RBL2: variants seen among roughly 807,000 people sequenced by gnomAD.
The protein encoded by RBL2 is RB transcriptional corepressor like 2, also known as retinoblastoma-like protein 2.
Under a neutral mutation model 126.0 loss-of-function variants are expected in RBL2, and 56 were observed. That is an observed-to-expected ratio of 0.44 (90% CI 0.36 to 0.56). RBL2 has a LOEUF of 0.56. Among genes scored for constraint, RBL2 ranks in the 20% least tolerant of loss-of-function variants. The pLI, the probability that RBL2 is intolerant of heterozygous loss-of-function variation, is 0.00. For missense variants in RBL2, 1,229 were observed against 1,398.2 expected, an observed-to-expected ratio of 0.88 and a Z score of 1.93; for synonymous variants, 454 against 478.5, an observed-to-expected ratio of 0.95 and a Z score of 0.67.
chr16:53,473,916 A>T (rs1215952770), intron 17 of RBL2, among the ~76,000 whole-genome samples: 2 of 151,784 alleles, frequency 1.3e-5, no homozygotes, highest in African/African-American at 2.4e-5. Context: ...TATTTTTTTT[A>T]TTCTATTAAT....
chr16:53,453,807 T>C (rs1186864127), intron 7 of RBL2, 38 bp downstream of exon 7: 4 of 1,477,806 alleles, frequency 2.7e-6, no homozygotes, highest in Non-Finnish European at 3.7e-6. Context: ...ATATTTTAAA[T>C]TGTATACTTA....
At chr16:53,474,808 G>C (rs1315984361) in intron 17 of RBL2, among the ~76,000 whole-genome samples, 5 of 152,208 alleles carry the variant, frequency 3.3e-5, no homozygotes, top group Admixed American at 3.3e-4. Context: ...TTATTATCAG[G>C]GTAATAATGG....
chr16:53,477,516 T>C (rs938001258), intron 17 of RBL2, among the ~76,000 whole-genome samples: 1 of 151,944 alleles, frequency 6.6e-6, no homozygotes, highest in African/African-American at 2.4e-5. Flanking sequence ...GGCTGATTTT[T>C]GTATTTTTTT....
rs771667410 is a variant in RBL2 at position 53,451,818 on chromosome 16, C to T, written c.753C>T (p.Asn251=). 3.3e-5 allele frequency: 53 copies of T among 1,613,376 alleles called. No homozygotes were observed. The Admixed American group carries it at 7.0e-4, about 21-fold the overall frequency. The change falls in exon 5 of 22, where the codon AAC becomes AAT. Residue 251 remains asparagine (N), a synonymous_variant. Transcript: ENST00000262133. ...GTTCTAATCGTAAAGAACTTGTGAA[C>T]CCTAATTTTAAAGGTAGGTTTGTAA... ...LQCSNRKELV[N]PNFKGLSEDF...
intron 14 of RBL2, among the ~76,000 whole-genome samples, chr16:53,469,305 T>C (rs1276150738): frequency 6.6e-6 from 1 of 152,264 alleles, no homozygotes; most frequent in Non-Finnish European, 1.5e-5. Flanking sequence ...ATTTATGGTA[T>C]ATAAACTGTT....
intron 4 of RBL2, among the ~76,000 whole-genome samples, chr16:53,448,389 C>T (rs1294909853): frequency 6.6e-6 from 1 of 152,164 alleles, no homozygotes; most frequent in Non-Finnish European, 1.5e-5. Flanking sequence ...GAACTCCTGA[C>T]CTCGTGATCC....
chr16:53,480,925 G>A lies in RBL2; in HGVS notation c.3084+156G>A, dbSNP rs529383577. The A allele has an allele frequency of 1.7e-4, 107 of 643,846 alleles. 2 individuals are homozygous for A. The East Asian group carries it at 2.3e-3, about 14-fold the overall frequency. 39.9% of individuals were successfully genotyped at this position (643,846 alleles called of 1,614,324 possible). A position where few individuals can be genotyped will look rare whatever the true frequency, so the allele number is the denominator to read the frequency against. On this transcript the variant is annotated intron_variant, in intron 20 of 21. Transcript: ENST00000262133. ...TGTAATCCCAGCACTTTGGGAGGCC[G>A]AGGAGGGCAGATCACTTGAGGTCAG...
At chr16:53,441,743 G>A (rs929600201) in intron 2 of RBL2, among the ~76,000 whole-genome samples, 2 of 152,138 alleles carry the variant, frequency 1.3e-5, no homozygotes, top group African/African-American at 2.4e-5. Context: ...ACTTTAGAAT[G>A]GTTTTTATCT....
intron 1 of RBL2, among the ~76,000 whole-genome samples, chr16:53,435,254 C>T (rs1034629371): frequency 2.0e-5 from 3 of 152,176 alleles, no homozygotes; most frequent in Non-Finnish European, 2.9e-5. Flanking sequence ...ACCAAATTGC[C>T]TTTGCCCTGG....
At position 53,470,057 on chromosome 16, in the gene RBL2, C is replaced by G. The variant is rs2058307286; in HGVS notation, c.2117C>G (p.Ala706Gly). Residue 706 changes from alanine (A) to glycine (G), a missense_variant, in exon 15 of 22, where the codon GCT (alanine) becomes GGT (glycine). Transcript: ENST00000262133. Reference sequence around the variant, plus strand: ...ATGCCCCCACAGCCCCTAGTCAATGCTGTCCCTGTGCAGAATGTATCTGGG... The same window carrying G: ...ATGCCCCCACAGCCCCTAGTCAATGGTGTCCCTGTGCAGAATGTATCTGGG... ...GRMPPQPLVNAVPVQNVSGET... is the reference protein window; with the variant it reads ...GRMPPQPLVNGVPVQNVSGET... 3.7e-6 allele frequency: 6 copies of G among 1,614,258 alleles called. No homozygotes were observed. In the East Asian group the frequency reaches 1.3e-4, roughly 36 times the overall value.
intron 1 of RBL2, 148 bp downstream of exon 1, chr16:53,434,944 G>A: frequency 7.2e-6 from 9 of 1,248,914 alleles, no homozygotes; most frequent in South Asian, 1.9e-5. Flanking sequence ...CTATTCCGAG[G>A]CTCTTAGCCG....
intron 3 of RBL2, 92 bp downstream of exon 3, chr16:53,442,950 AGAAAT>A (rs1459951307): frequency 1.8e-5 from 18 of 984,076 alleles, no homozygotes; most frequent in Non-Finnish European, 2.9e-6. Context: ...GTTTTAAAAA[AGAAAT>A]AAGATTTAAA....
chr16:53,488,793 G>GTA (rs1961276701), intron 21 of RBL2: 1 of 152,182 alleles, frequency 6.6e-6, no homozygotes, highest in Non-Finnish European at 1.5e-5. Context: ...AATTAACAAT[G>GTA]TATACAGTAA....
chr16:53,447,091 T>C lies in RBL2; in HGVS notation c.622T>C (p.Phe208Leu), dbSNP rs767488857. Residue 208 changes from phenylalanine to leucine, a missense_variant, in exon 4 of 22, where the codon TTT becomes CTT. This residue lies in a region of RBL2 where 1,070 missense variants were observed against 1,274.3 expected (regional missense o/e 0.84). Transcript: ENST00000262133. ...AATTTTCCATTTTTGTTGGGTGCTT[T>C]TTATATATGCAAAAGGTAAGAAAAT... Reference protein sequence around the residue: ...SEIFHFCWVLFIYAKGNFPMI... With the variant: ...SEIFHFCWVLLIYAKGNFPMI... The C allele has an allele frequency of 6.4e-7, 1 of 1,564,450 alleles. No individual in the cohort carries two copies. Among genetic ancestry groups the C allele is most frequent in the East Asian group, 2.3e-5 (1 of 44,144 alleles).
At chr16:53,453,884 A>T in intron 7 of RBL2, 115 bp downstream of exon 7, 2 of 961,970 alleles carry the variant, frequency 2.1e-6, no homozygotes, top group Non-Finnish European at 3.0e-6. Flanking sequence ...TTTGTGAGAG[A>T]ATACAGGGAA....
intron 17 of RBL2, among the ~76,000 whole-genome samples, chr16:53,478,688 C>A (rs539478767): frequency 6.6e-6 from 1 of 152,116 alleles, no homozygotes; most frequent in Non-Finnish European, 1.5e-5. Flanking sequence ...GTGGCTCAAT[C>A]TCAGCTCACT....
chr16:53,471,943 C>T (rs1220572512), intron 17 of RBL2, among the ~76,000 whole-genome samples: 1 of 152,188 alleles, frequency 6.6e-6, no homozygotes, highest in Admixed American at 6.5e-5. Flanking sequence ...CCCACAGCAC[C>T]TGGCAACCAG....
In RBL2 at chr16:53,490,323, C is replaced by T; in HGVS notation, c.*23C>T. 6.5e-7 allele frequency: 1 copy of T among 1,539,512 alleles called. No individual in the cohort carries two copies. Among genetic ancestry groups the T allele is most frequent in the Non-Finnish European group, 8.8e-7 (1 of 1,136,072 alleles). ...TGAGGTTAGTCTCTTGTATTAAACT[C>T]TTCACAAAATCTGTTTAGCAGCAGC... On this transcript the variant is annotated 3_prime_UTR_variant, in exon 22 of 22. Transcript: ENST00000262133.
chr16:53,482,827 A>C (rs1384207255), intron 21 of RBL2, among the ~76,000 whole-genome samples: 5 of 151,948 alleles, frequency 3.3e-5, no homozygotes, highest in African/African-American at 7.3e-5. Context: ...AAAAAAAAAA[A>C]AACGGTTGCT....
Sources: allele counts gnomAD v4.1 joint callset (sites outside exome capture counted in the v4.1 genomes callset), GRCh38; gene constraint gnomAD v4.1.1; regional missense constraint gnomAD v4.1.1; transcripts MANE v1.5; gene names NCBI Gene and HGNC (gene_info 2026-07-23, HGNC 2026-07-21).